The following ARID1B variants were observed in gnomAD, a reference collection of about 807,000 sequenced individuals.
The protein encoded by ARID1B is AT-rich interactive domain-containing protein 1B.
In ARID1B, 30 loss-of-function variants were observed where a neutral mutation model predicts 212.3. That is an observed-to-expected ratio of 0.14 (90% CI 0.11 to 0.19). The LOEUF (loss-of-function observed/expected upper bound fraction) is 0.19. ARID1B is among the 10% of genes least tolerant of loss of function. The pLI is 1.00. For synonymous variants in ARID1B, 1,402 were observed against 1,301.7 expected (o/e 1.08, Z -1.66); for missense variants, 2,891 against 3,204.0 (o/e 0.90, Z 2.36).
chr6:156,848,953 C>T (rs1002147046), intron 2 of ARID1B, among the ~76,000 whole-genome samples: 16 of 152,106 alleles, frequency 1.1e-4, no homozygotes, highest in African/African-American at 3.9e-4. Context: ...AGTAAATTTC[C>T]CATTATTTTT....
intron 2 of ARID1B, among the ~76,000 whole-genome samples, chr6:156,882,912 G>C (rs1035793752): frequency 1.3e-5 from 2 of 152,126 alleles, no homozygotes; most frequent in African/African-American, 4.8e-5. Context: ...TTGTGGCTAG[G>C]GGCTTTTATG....
intron 2 of ARID1B, among the ~76,000 whole-genome samples, chr6:156,861,043 C>T (rs1180459266): frequency 6.6e-6 from 1 of 152,158 alleles, no homozygotes; most frequent in African/African-American, 2.4e-5. Context: ...TGTCAGCCAC[C>T]TTGTACACTG....
intron 6 of ARID1B, chr6:157,110,924 G>A (rs924429675): frequency 1.2e-5 from 3 of 245,706 alleles, no homozygotes; most frequent in African/African-American, 2.2e-5. Flanking sequence ...GGCGGTTGGC[G>A]GTGGGGGGTT....
At chr6:156,922,281 T>C (rs898621029) in intron 3 of ARID1B, among the ~76,000 whole-genome samples, 1 of 151,886 alleles carries the variant, frequency 6.6e-6, no homozygotes, top group African/African-American at 2.4e-5. Flanking sequence ...CAAGCAGTTC[T>C]CCTGTCTCAG....
At chr6:156,959,673 G>T (rs1794226303) in intron 4 of ARID1B, among the ~76,000 whole-genome samples, 1 of 152,076 alleles carries the variant, frequency 6.6e-6, no homozygotes, top group African/African-American at 2.4e-5. Flanking sequence ...ACTGTGTAAA[G>T]GTTGAATTGT....
intron 4 of ARID1B, among the ~76,000 whole-genome samples, chr6:157,038,465 T>G (rs1446068291): frequency 6.6e-6 from 1 of 152,182 alleles, no homozygotes; most frequent in East Asian, 1.9e-4. Flanking sequence ...AAAGCAAAGT[T>G]TCTGAGGTTA....
intron 1 of ARID1B, among the ~76,000 whole-genome samples, chr6:156,827,796 A>G (rs1045796614): frequency 2.7e-5 from 3 of 110,186 alleles, no homozygotes; most frequent in African/African-American, 1.0e-4. Flanking sequence ...GATGGAGTCT[A>G]GCTCTGTCTC....
In ARID1B at chr6:157,201,187, C is replaced by T. The variant is rs993722951; in HGVS notation, c.4962C>T (p.Pro1654=). The change falls in exon 18 of 20, where the codon CCC becomes CCT. Residue 1654 remains proline, a synonymous_variant. Transcript: ENST00000636930. This position sits in a 1 kb window ranked among gnomAD's most constrained non-coding sequence, Gnocchi z 5.2. ...PYMSSSASMQ[P]ITRPPQPSYQ... ...TGTCGTCCTCAGCCTCCATGCAGCCCATCACACGCCCACCACAGCCGTCCT... is the reference window on the plus strand; with the variant it reads ...TGTCGTCCTCAGCCTCCATGCAGCCTATCACACGCCCACCACAGCCGTCCT... The T allele has an allele frequency of 1.2e-6, 2 of 1,613,852 alleles. No homozygotes were observed. Among genetic ancestry groups the T allele is most frequent in the African/African-American group, 1.3e-5 (1 of 74,932 alleles).
At position 157,190,467 on chromosome 6, in the gene ARID1B, C is replaced by A. The variant is rs140113760; in HGVS notation, c.4231+257C>A. Among the ~76,000 whole-genome samples the A allele has an allele frequency of 6.9e-3, 1,055 of 152,344 alleles. 18 individuals carry two copies. Among genetic ancestry groups the A allele is most frequent in the African/African-American group, 0.024 (1,003 of 41,570 alleles). On this transcript the variant is annotated intron_variant, in intron 15 of 19. Transcript: ENST00000636930. The surrounding 1 kb of genome is among the most constrained non-coding windows in gnomAD (Gnocchi z 4.6). Reference sequence around the variant, plus strand: ...GCTCCCTGTTTCCGGATACCTGCCACCTCCTTACACGTGCCAAGTTACGTT... The same window carrying A: ...GCTCCCTGTTTCCGGATACCTGCCAACTCCTTACACGTGCCAAGTTACGTT...
At chr6:156,896,771 C>T (rs957588450) in intron 2 of ARID1B, among the ~76,000 whole-genome samples, 10 of 151,892 alleles carry the variant, frequency 6.6e-5, no homozygotes, top group Admixed American at 3.9e-4. Flanking sequence ...CCCAGCTACT[C>T]GGGAGGCTGA....
At chr6:156,837,933 A>G (rs1037172462) in intron 2 of ARID1B, among the ~76,000 whole-genome samples, 2 of 152,210 alleles carry the variant, frequency 1.3e-5, no homozygotes, top group Non-Finnish European at 2.9e-5. Context: ...GTGTGCGTGT[A>G]TAACACAAAC....
intron 6 of ARID1B, among the ~76,000 whole-genome samples, chr6:157,124,721 G>A (rs1380424705): frequency 6.6e-6 from 1 of 152,014 alleles, no homozygotes; most frequent in Non-Finnish European, 1.5e-5. Context: ...GTATATGTAA[G>A]TATGTAAACA....
At chr6:157,168,142 C>T (rs760619046) in intron 9 of ARID1B, 1 of 152,190 alleles carries the variant, frequency 6.6e-6, no homozygotes, top group Non-Finnish European at 1.5e-5. Context: ...GCCTCTCTGT[C>T]TTTGAAAGTT....
At chr6:156,846,555 A>G (rs1346738823) in intron 2 of ARID1B, among the ~76,000 whole-genome samples, 2 of 151,950 alleles carry the variant, frequency 1.3e-5, no homozygotes, top group Admixed American at 6.6e-5. Context: ...GTGTGTGTGG[A>G]CGGGGCTGCG....
chr6:157,004,887 C>CTTTTTTTGTTTTTTTTTTTTTTTTTTTT (rs1779117411), intron 4 of ARID1B, among the ~76,000 whole-genome samples: 1 of 73,956 alleles, frequency 1.4e-5, no homozygotes, highest in African/African-American at 4.9e-5. Context: ...TCTTTTTCTT[C>CTTTTTTTGTTTTTTTTTTTTTTTTTTTT]TTCTTTTTTC....
intron 4 of ARID1B, among the ~76,000 whole-genome samples, chr6:156,996,996 G>A (rs1778630612): frequency 6.6e-6 from 1 of 152,162 alleles, no homozygotes; most frequent in African/African-American, 2.4e-5. Context: ...AGAGAGTATG[G>A]TATGCAGTCT....
In ARID1B at chr6:157,122,966, G is replaced by A. The variant is rs1051008286; in HGVS notation, c.2582-10062G>A. On this transcript the variant is annotated intron_variant, in intron 6 of 19. Coordinates refer to ENST00000636930, the MANE Select transcript of ARID1B (RefSeq NM_001374828.1). ...CAAAGTACTGGGATTACAGGCATGA[G>A]CCACCGTGCCCGGCCAGGAATAGGT... 2.6e-5 allele frequency among the ~76,000 whole-genome samples: 4 copies of A among 152,252 alleles called. No individual in the cohort carries two copies. The South Asian group carries it at 6.2e-4, about 24-fold the overall frequency.
chr6:156,859,957 A>G (rs1412501674), intron 2 of ARID1B, among the ~76,000 whole-genome samples: 24 of 152,192 alleles, frequency 1.6e-4, no homozygotes, highest in Admixed American at 1.6e-3. Flanking sequence ...TGAGAGAGAG[A>G]GAGAGATTAA....
At chr6:157,036,849 C>G (rs1278101474) in intron 4 of ARID1B, 1 of 501,764 alleles carries the variant, frequency 2.0e-6, no homozygotes, top group Non-Finnish European at 3.9e-6. Flanking sequence ...AAGTCTTGGC[C>G]TCGGAGGATG....
Sources: gnomAD v4.1 joint callset for allele counts (sites outside exome capture counted in the v4.1 genomes callset) on GRCh38, gnomAD v4.1.1 for gene constraint, Gnocchi (gnomAD v3.1) non-coding constraint, MANE v1.5 for transcripts, NCBI Gene and HGNC (gene_info 2026-07-23, HGNC 2026-07-21) for gene names.